Variants in RRAS2 observed in about 807,000 individuals in gnomAD.
RRAS2 encodes RAS related 2.
A neutral mutation model predicts 27.6 loss-of-function variants in RRAS2; 7 were observed. The ratio of observed to expected loss-of-function variants is 0.25; its 90% confidence interval spans 0.14 to 0.48. The LOEUF (loss-of-function observed/expected upper bound fraction) is 0.48. Ranked by LOEUF, RRAS2 falls within the 20% of genes least tolerant of loss-of-function variation. The pLI, the probability that RRAS2 is intolerant of heterozygous loss-of-function variation, is 0.99. For synonymous variants in RRAS2, 86 were observed against 90.9 expected (o/e 0.95, Z 0.31); for missense variants, 178 against 256.2 (o/e 0.69, Z 2.08).
intron 1 of RRAS2, among the ~76,000 whole-genome samples, chr11:14,356,948 C>T (rs1229811144): frequency 6.6e-6 from 1 of 151,966 alleles, no homozygotes; most frequent in Non-Finnish European, 1.5e-5. Context: ...CCACCATGCC[C>T]GGCTAATTTT....
intron 1 of RRAS2, among the ~76,000 whole-genome samples, chr11:14,298,434 A>T (rs1847614271): frequency 6.6e-6 from 1 of 152,230 alleles, no homozygotes; most frequent in Admixed American, 6.5e-5. Flanking sequence ...TTTGATTGTT[A>T]TATAAAAGAT....
upstream of RRAS2, among the ~76,000 whole-genome samples, chr11:14,363,850 C>T (rs1224381209): frequency 2.0e-5 from 3 of 151,978 alleles, no homozygotes; most frequent in Non-Finnish European, 4.4e-5. Flanking sequence ...GCAGGTGGAT[C>T]ACCTGCGGTT....
intron 1 of RRAS2, among the ~76,000 whole-genome samples, chr11:14,332,065 C>A (rs1450497396): frequency 6.6e-6 from 1 of 152,170 alleles, no homozygotes; most frequent in Non-Finnish European, 1.5e-5. Context: ...AATTTCCATA[C>A]CCAGTTGCTG....
intron 1 of RRAS2, among the ~76,000 whole-genome samples, chr11:14,344,070 G>A (rs543719632): frequency 5.9e-5 from 9 of 152,002 alleles, no homozygotes; most frequent in African/African-American, 1.9e-4. Context: ...TTAAGCCGGG[G>A]ACATCAAGGC....
chr11:14,349,450 C>T (rs1428438602), intron 1 of RRAS2, among the ~76,000 whole-genome samples: 2 of 152,032 alleles, frequency 1.3e-5, no homozygotes, highest in Non-Finnish European at 2.9e-5. Flanking sequence ...GTGTCAGCCA[C>T]CACACCCGGC....
rs1294879717 is a variant in RRAS2, at chr11:14,358,707, G to GCGCCAGCCCC, written c.108+46_108+55dup. 4 of 1,126,818 alleles carry GCGCCAGCCCC rather than the reference G, an allele frequency of 3.5e-6. No individual in the cohort carries two copies. The East Asian group carries it at 1.9e-4, about 55-fold the overall frequency. The allele number at this position is 1,126,818 out of a possible 1,614,324, so 69.8% of individuals were successfully genotyped here. A position where few individuals can be genotyped will look rare whatever the true frequency, so the allele number is the denominator to read the frequency against. On this transcript the variant is annotated intron_variant, in intron 1 of 5. Transcript: ENST00000256196. This position sits in a 1 kb window ranked among gnomAD's most constrained non-coding sequence, Gnocchi z 5.1. ...CGCGGCGGCCGCCCCGCCACAGGTA[G>GCGCCAGCCCC]CGCCAGCCCCCGCCCGCCGCCGCTC...
chr11:14,319,976 T>G (rs888678786), intron 1 of RRAS2, among the ~76,000 whole-genome samples: 10 of 152,204 alleles, frequency 6.6e-5, no homozygotes, highest in African/African-American at 2.4e-4. Flanking sequence ...AATGAACTAA[T>G]CATTGTAAAA....
At chr11:14,338,821 A>AT (rs1162177680) in intron 1 of RRAS2, among the ~76,000 whole-genome samples, 38 of 150,458 alleles carry the variant, frequency 2.5e-4, no homozygotes, top group African/African-American at 7.5e-4. Flanking sequence ...CCAAATTCTG[A>AT]TTTTTTTTTT....
intron 1 of RRAS2, among the ~76,000 whole-genome samples, chr11:14,316,656 T>C (rs1463539028): frequency 1.3e-5 from 2 of 152,148 alleles, no homozygotes; most frequent in African/African-American, 2.4e-5. Context: ...AGCAGGAGGA[T>C]TGCTTAAGCC....
chr11:14,303,324 A>ATACTCAGTGGGTATAAGC (rs1554947649), intron 1 of RRAS2, among the ~76,000 whole-genome samples: 5 of 152,232 alleles, frequency 3.3e-5, no homozygotes, highest in Non-Finnish European at 7.3e-5. Flanking sequence ...TACTGAGTTA[A>ATACTCAGTGGGTATAAGC]ACTCAATGGG....
chr11:14,315,134 T>C (rs1453745033), intron 1 of RRAS2, among the ~76,000 whole-genome samples: 1 of 152,246 alleles, frequency 6.6e-6, no homozygotes, highest in Non-Finnish European at 1.5e-5. Context: ...ATTCCGTAAG[T>C]GTGAGCTGCA....
intron 1 of RRAS2, among the ~76,000 whole-genome samples, chr11:14,306,272 T>C (rs1847828510): frequency 6.6e-6 from 1 of 152,102 alleles, no homozygotes; most frequent in Admixed American, 6.5e-5. Flanking sequence ...AAGAGTACTA[T>C]ATTCTGGATA....
At chr11:14,350,267 GC>G (rs1848922464) in intron 1 of RRAS2, among the ~76,000 whole-genome samples, 1 of 152,084 alleles carries the variant, frequency 6.6e-6, no homozygotes, top group South Asian at 2.1e-4. Flanking sequence ...TGGAGGTGGG[GC>G]TTAATGGGAG....
At chr11:14,305,959 C>T (rs1477815168) in intron 1 of RRAS2, among the ~76,000 whole-genome samples, 1 of 152,076 alleles carries the variant, frequency 6.6e-6, no homozygotes, top group Admixed American at 6.5e-5. Context: ...GTAGGAGGAT[C>T]ACTTGAGCCC....
intron 1 of RRAS2, among the ~76,000 whole-genome samples, chr11:14,317,721 A>G (rs1272979078): frequency 6.6e-6 from 1 of 152,184 alleles, no homozygotes; most frequent in African/African-American, 2.4e-5. Context: ...TGAACTTACT[A>G]GTTTTTCCTC....
chr11:14,346,758 G>A (rs781806412), intron 1 of RRAS2, among the ~76,000 whole-genome samples: 1 of 152,154 alleles, frequency 6.6e-6, no homozygotes, highest in African/African-American at 2.4e-5. Context: ...ACAACTATGT[G>A]ACATAGTACG....
intron 1 of RRAS2, among the ~76,000 whole-genome samples, chr11:14,317,140 A>G (rs996534184): frequency 3.9e-5 from 6 of 152,250 alleles, no homozygotes; most frequent in African/African-American, 1.4e-4. Context: ...TAACACTGCT[A>G]CCCTTATAGG....
intron 1 of RRAS2, among the ~76,000 whole-genome samples, chr11:14,317,106 C>A (rs1848124745): frequency 6.6e-6 from 1 of 152,182 alleles, no homozygotes; most frequent in Admixed American, 6.5e-5. Context: ...ACTATGGAGG[C>A]ATAGATGTTA....
chr11:14,347,869 G>A (rs1425505293), intron 1 of RRAS2, among the ~76,000 whole-genome samples: 2 of 150,344 alleles, frequency 1.3e-5, no homozygotes, highest in Non-Finnish European at 1.5e-5. Context: ...AATTCCAGTA[G>A]AAAAAAAAAA....
Sources: allele counts gnomAD v4.1 joint callset (sites outside exome capture counted in the v4.1 genomes callset), GRCh38; gene constraint gnomAD v4.1.1; non-coding constraint Gnocchi (gnomAD v3.1); transcripts MANE v1.5; gene names NCBI Gene and HGNC (gene_info 2026-07-23, HGNC 2026-07-21).